The following ST6GALNAC5 variants were observed in gnomAD, a reference collection of about 807,000 sequenced individuals.
ST6GALNAC5 encodes the protein alpha-N-acetylgalactosaminide alpha-2,6-sialyltransferase 5.
A neutral mutation model predicts 33.6 loss-of-function variants in ST6GALNAC5; 27 were observed. That is an observed-to-expected ratio of 0.80 (90% confidence interval 0.59 to 1.11). The LOEUF is 1.11. Ranked by LOEUF, ST6GALNAC5 falls within the 50% of genes least tolerant of loss-of-function variation. The probability of loss-of-function intolerance (pLI) is 0.00; values close to 1 mark genes in which losing one functional copy is unlikely to be tolerated. For synonymous variants in ST6GALNAC5, 194 were observed against 171.2 expected (o/e 1.13, Z -1.04); for missense variants, 428 against 454.0 (o/e 0.94, Z 0.52).
At position 77,001,976 on chromosome 1, in the gene ST6GALNAC5, C is replaced by G. The variant is rs906605667; in HGVS notation, c.262-42228C>G. ...CTTTTTTGGTTGTGTCTCTGCCCGG[C>G]TTTGCTATCAGGATGATGCTGGCCT... On this transcript the variant is annotated intron_variant, in intron 2 of 4. Coordinates refer to ENST00000477717, the MANE Select transcript of ST6GALNAC5 (RefSeq NM_030965.3). 1.5e-3 allele frequency among the ~76,000 whole-genome samples: 223 copies of G among 152,230 alleles called. 1 individual carries two copies. The highest frequency in any genetic ancestry group is 4.0e-4 in the Non-Finnish European group (27 of 68,028).
At chr1:77,054,754 G>A (rs530911722) in intron 4 of ST6GALNAC5, among the ~76,000 whole-genome samples, 1 of 152,260 alleles carries the variant, frequency 6.6e-6, no homozygotes, top group Non-Finnish European at 1.5e-5. Flanking sequence ...TGTCCTGGAG[G>A]TCTGCCTTCT....
chr1:76,990,197 C>T (rs1435526786), intron 2 of ST6GALNAC5, among the ~76,000 whole-genome samples: 1 of 152,102 alleles, frequency 6.6e-6, no homozygotes, highest in African/African-American at 2.4e-5. Context: ...AGTTTCCACT[C>T]CATCCCCAAT....
intron 2 of ST6GALNAC5, among the ~76,000 whole-genome samples, chr1:76,943,344 C>T (rs1232302660): frequency 2.6e-5 from 4 of 152,112 alleles, no homozygotes; most frequent in African/African-American, 4.8e-5. Context: ...ATCACAGAAT[C>T]AGATCAACAT....
chr1:77,007,735 T>A (rs6663942), intron 2 of ST6GALNAC5, among the ~76,000 whole-genome samples: 1 of 152,208 alleles, frequency 6.6e-6, no homozygotes, highest in Non-Finnish European at 1.5e-5. Flanking sequence ...TTTTAACTTG[T>A]AATCCTTATA....
At chr1:76,974,383 T>A (rs1050171030) in intron 2 of ST6GALNAC5, among the ~76,000 whole-genome samples, 2 of 151,940 alleles carry the variant, frequency 1.3e-5, no homozygotes, top group African/African-American at 2.4e-5. Flanking sequence ...TTTTTTAAAT[T>A]TTTTTGTAGA....
intron 4 of ST6GALNAC5, among the ~76,000 whole-genome samples, chr1:77,055,460 A>G (rs1570144785): frequency 6.6e-6 from 1 of 152,202 alleles, no homozygotes; most frequent in East Asian, 1.9e-4. Context: ...CACATGCATT[A>G]TTTTCTTGAA....
chr1:77,018,379 T>C (rs928675844), intron 2 of ST6GALNAC5, among the ~76,000 whole-genome samples: 9 of 152,250 alleles, frequency 5.9e-5, no homozygotes, highest in African/African-American at 1.2e-4. Flanking sequence ...CACGAGGCAC[T>C]GTGCCAGGTA....
intron 2 of ST6GALNAC5, among the ~76,000 whole-genome samples, chr1:76,896,256 G>A (rs957369406): frequency 6.6e-6 from 1 of 152,116 alleles, no homozygotes; most frequent in Non-Finnish European, 1.5e-5. Flanking sequence ...TAGACTAAGC[G>A]GTATTTTAGT....
At chr1:76,878,332 G>A (rs1309418572) in intron 2 of ST6GALNAC5, among the ~76,000 whole-genome samples, 1 of 152,088 alleles carries the variant, frequency 6.6e-6, no homozygotes, top group Non-Finnish European at 1.5e-5. Flanking sequence ...TCTGGCACTG[G>A]GGAAATGTCT....
intron 2 of ST6GALNAC5, among the ~76,000 whole-genome samples, chr1:77,026,115 T>C (rs1056372260): frequency 6.6e-6 from 1 of 152,224 alleles, no homozygotes. Flanking sequence ...CTCCCAGGGC[T>C]TCTCTTTCTT....
intron 2 of ST6GALNAC5, among the ~76,000 whole-genome samples, chr1:76,883,605 A>G (rs1412651667): frequency 6.6e-6 from 1 of 152,222 alleles, no homozygotes; most frequent in African/African-American, 2.4e-5. Flanking sequence ...ACAGCTGACC[A>G]GATGTGGAGA....
At chr1:77,048,080 C>A (rs1652075842) in intron 3 of ST6GALNAC5, among the ~76,000 whole-genome samples, 1 of 152,200 alleles carries the variant, frequency 6.6e-6, no homozygotes, top group Non-Finnish European at 1.5e-5. Context: ...TTAAAGAACT[C>A]TTCACTTTAG....
At chr1:77,044,970 C>A (rs1350944256) in intron 3 of ST6GALNAC5, among the ~76,000 whole-genome samples, 2 of 152,074 alleles carry the variant, frequency 1.3e-5, no homozygotes, top group East Asian at 3.9e-4. Context: ...TTTATTTTTT[C>A]CCATTCAAAG....
At chr1:76,936,807 A>T (rs545106164) in intron 2 of ST6GALNAC5, among the ~76,000 whole-genome samples, 5 of 151,970 alleles carry the variant, frequency 3.3e-5, no homozygotes, top group Non-Finnish European at 5.9e-5. Flanking sequence ...TCTAAGGCAG[A>T]GGTTATGTGG....
intron 2 of ST6GALNAC5, among the ~76,000 whole-genome samples, chr1:76,986,627 A>C (rs1048837924): frequency 6.6e-6 from 1 of 152,244 alleles, no homozygotes. Flanking sequence ...ATCTAGAACT[A>C]GAATTACCAT....
In ST6GALNAC5 at chr1:76,871,004, T is replaced by G. The variant is rs75027587; in HGVS notation, c.261+2262T>G. The stretch of plus-strand genomic sequence containing the variant: ...CCGCTACTATTTATCTGGCTGCAAA[T>G]TGGGCAGAGTTCCCTTACAGATGGT... On this transcript the variant is annotated intron_variant, in intron 2 of 4. Coordinates refer to ENST00000477717, the MANE Select transcript of ST6GALNAC5 (RefSeq NM_030965.3). 7.1e-3 allele frequency among the ~76,000 whole-genome samples: 1,088 copies of G among 152,358 alleles called. 9 individuals are homozygous for G. Among genetic ancestry groups the G allele is most frequent in the Non-Finnish European group, 0.01 (711 of 68,026 alleles).
intron 2 of ST6GALNAC5, among the ~76,000 whole-genome samples, chr1:76,871,557 C>G (rs1452669615): frequency 6.6e-6 from 1 of 152,122 alleles, no homozygotes; most frequent in African/African-American, 2.4e-5. Context: ...TCACAAATTA[C>G]AGCCTGTCTG....
intron 2 of ST6GALNAC5, among the ~76,000 whole-genome samples, chr1:76,992,243 C>G (rs1030447725): frequency 9.9e-5 from 15 of 152,252 alleles, no homozygotes; most frequent in African/African-American, 3.4e-4. Flanking sequence ...TCTTTTAGCT[C>G]TATGCTCTAA....
intron 2 of ST6GALNAC5, among the ~76,000 whole-genome samples, chr1:76,919,022 G>C (rs575573823): frequency 6.6e-6 from 1 of 151,960 alleles, no homozygotes; most frequent in Non-Finnish European, 1.5e-5. Context: ...GCAATGCCTC[G>C]GTTCTCAGGC....
Sources: gnomAD v4.1 joint callset for allele counts (sites outside exome capture counted in the v4.1 genomes callset) on GRCh38, gnomAD v4.1.1 for gene constraint, MANE v1.5 for transcripts, NCBI Gene and HGNC (gene_info 2026-07-23, HGNC 2026-07-21) for gene names.